NREP: variants seen among roughly 807,000 people sequenced by gnomAD.
NREP encodes neuronal regeneration related protein.
Under a neutral mutation model 8.6 loss-of-function variants are expected in NREP, and 5 were observed. The observed-to-expected ratio is 0.58, with a 90% CI of 0.30 to 1.22. The LOEUF is 1.22. Among genes scored for constraint, NREP ranks in the 50% most tolerant of loss-of-function variants. The probability of loss-of-function intolerance (pLI) is 0.07; values close to 1 mark genes in which losing one functional copy is unlikely to be tolerated. For synonymous variants in NREP, 27 were observed against 28.0 expected (o/e 0.96, Z 0.11); for missense variants, 86 against 82.5 (o/e 1.04, Z -0.17).
intron 2 of NREP, among the ~76,000 whole-genome samples, chr5:111,834,345 G>T (rs1412591962): frequency 2.0e-5 from 3 of 152,124 alleles, no homozygotes; most frequent in Non-Finnish European, 4.4e-5. Flanking sequence ...GCTCTCTTTA[G>T]TTCTGTCATT....
intron 2 of NREP, among the ~76,000 whole-genome samples, chr5:111,849,184 A>G (rs1304998770): frequency 6.6e-6 from 1 of 152,126 alleles, no homozygotes; most frequent in Non-Finnish European, 1.5e-5. Context: ...AGGACAGTGA[A>G]AGCACCCTGG....
intron 2 of NREP, among the ~76,000 whole-genome samples, chr5:111,941,190 T>A (rs1755819310): frequency 6.6e-6 from 1 of 152,074 alleles, no homozygotes; most frequent in African/African-American, 2.4e-5. Flanking sequence ...AAGAAACTGA[T>A]GAAGATCATA....
chr5:111,898,879 A>G (rs899264053), intron 2 of NREP, among the ~76,000 whole-genome samples: 1 of 152,174 alleles, frequency 6.6e-6, no homozygotes, highest in Non-Finnish European at 1.5e-5. Context: ...AATCCTCATC[A>G]GACTAACAGT....
At chr5:111,867,328 C>G (rs963501395) in intron 2 of NREP, among the ~76,000 whole-genome samples, 1 of 152,136 alleles carries the variant, frequency 6.6e-6, no homozygotes, top group Admixed American at 6.6e-5. Context: ...CTCTCTTCCT[C>G]TCTTTGCAGA....
At chr5:111,933,483 G>A (rs1021973578) in intron 2 of NREP, among the ~76,000 whole-genome samples, 3 of 152,110 alleles carry the variant, frequency 2.0e-5, no homozygotes, top group Admixed American at 6.6e-5. Flanking sequence ...CCTAGTGGCA[G>A]GTAAATCTGT....
At chr5:111,742,095 T>C (rs774913415) in intron 2 of NREP, among the ~76,000 whole-genome samples, 6 of 152,148 alleles carry the variant, frequency 3.9e-5, no homozygotes, top group Admixed American at 2.6e-4. Context: ...ACTAATTGGT[T>C]AAACCCATTG....
At chr5:111,954,618 A>C (rs932254936) in intron 2 of NREP, among the ~76,000 whole-genome samples, 9 of 152,164 alleles carry the variant, frequency 5.9e-5, no homozygotes, top group Non-Finnish European at 1.0e-4. Context: ...CTAAGCTCAA[A>C]AAATATTGAT....
At chr5:111,929,365 T>C (rs1232281831) in intron 2 of NREP, among the ~76,000 whole-genome samples, 1 of 152,174 alleles carries the variant, frequency 6.6e-6, no homozygotes, top group Non-Finnish European at 1.5e-5. Flanking sequence ...GGAGAGCCAA[T>C]GAGTTGGGGA....
chr5:111,734,654 C>T, intron 3 of NREP: 5 of 653,760 alleles, frequency 7.6e-6, no homozygotes, highest in Middle Eastern at 2.5e-4. Context: ...CCAGTAACAG[C>T]TGGGGGAGGA....
intron 2 of NREP, among the ~76,000 whole-genome samples, chr5:111,829,693 C>T (rs895004072): frequency 6.6e-6 from 1 of 152,170 alleles, no homozygotes; most frequent in African/African-American, 2.4e-5. Context: ...TCAGTCTAGA[C>T]TTTACCTGAA....
chr5:111,916,240 C>T (rs1175853892), intron 2 of NREP, among the ~76,000 whole-genome samples: 1 of 151,768 alleles, frequency 6.6e-6, no homozygotes, highest in Non-Finnish European at 1.5e-5. Context: ...GTCATTTTCC[C>T]AGGACTACCG....
In NREP at chr5:111,778,224, T is replaced by TCCAG. The variant is rs1462662280; in HGVS notation, c.136-42721_136-42718dup. ...ATGCTAAGAGAATTGCCCTAGAATA[T>TCCAG]CCAGATACATTTGTAATAATGCAGA... On this transcript the variant is annotated intron_variant, in intron 2 of 3. Coordinates refer to the NREP transcript ENST00000395634. Among the ~76,000 whole-genome samples the TCCAG allele has an allele frequency of 4.6e-5, 7 of 152,256 alleles. 1 individual carries two copies. Among genetic ancestry groups the TCCAG allele is most frequent in the African/African-American group, 1.7e-4 (7 of 41,566 alleles).
At chr5:111,919,458 G>A (rs1405360219) in intron 2 of NREP, among the ~76,000 whole-genome samples, 2 of 152,086 alleles carry the variant, frequency 1.3e-5, no homozygotes, top group African/African-American at 4.8e-5. Context: ...CAACAGCAAA[G>A]ACTTGGAATC....
chr5:111,805,207 A>G (rs867512841), intron 2 of NREP, among the ~76,000 whole-genome samples: 3 of 152,222 alleles, frequency 2.0e-5, no homozygotes, highest in Middle Eastern at 3.2e-3. Flanking sequence ...CACACAGGCT[A>G]TGGGCTCTTT....
intron 2 of NREP, among the ~76,000 whole-genome samples, chr5:111,935,489 C>G (rs1382282456): frequency 6.6e-6 from 1 of 152,106 alleles, no homozygotes; most frequent in East Asian, 1.9e-4. Context: ...TGAAGTCTTA[C>G]TCCTTTCTAC....
chr5:111,975,181 A>G, intron 2 of NREP: 1 of 820,226 alleles, frequency 1.2e-6, no homozygotes, highest in South Asian at 1.6e-5. Context: ...GAATGACTGC[A>G]CCAGTTCAGG....
chr5:111,886,153 T>A (rs1754240586), intron 2 of NREP, among the ~76,000 whole-genome samples: 1 of 152,024 alleles, frequency 6.6e-6, no homozygotes, highest in African/African-American at 2.4e-5. Context: ...CATCAAAAAG[T>A]GGGCAAAGGA....
At chr5:111,967,840 T>C (rs538930620) in intron 2 of NREP, among the ~76,000 whole-genome samples, 1 of 152,354 alleles carries the variant, frequency 6.6e-6, no homozygotes, top group African/African-American at 2.4e-5. Flanking sequence ...TTCACCTGGT[T>C]CAACCTGCCT....
chr5:111,904,676 A>T (rs2112553796), intron 2 of NREP, among the ~76,000 whole-genome samples: 1 of 152,256 alleles, frequency 6.6e-6, no homozygotes, highest in African/African-American at 2.4e-5. Flanking sequence ...TCCATGGTAT[A>T]ATGAGTATTT....
Sources: allele counts gnomAD v4.1 joint callset (sites outside exome capture counted in the v4.1 genomes callset), GRCh38; gene constraint gnomAD v4.1.1; transcripts MANE v1.5; gene names NCBI Gene and HGNC (gene_info 2026-07-23, HGNC 2026-07-21).